MAGI1: variants seen among roughly 807,000 people sequenced by gnomAD.
MAGI1 encodes membrane associated guanylate kinase, WW and PDZ domain containing 1.
In MAGI1, 58 loss-of-function variants were observed where a neutral mutation model predicts 139.9. That is an observed-to-expected ratio of 0.41 (90% CI 0.34 to 0.52). The LOEUF is 0.52. Among genes scored for constraint, MAGI1 ranks in the 20% least tolerant of loss-of-function variants. MAGI1 has a pLI of 0.12. For synonymous variants in MAGI1, 812 were observed against 737.9 expected, an observed-to-expected ratio of 1.10 and a Z score of -1.63; for missense variants, 1,874 against 1,901.6, an observed-to-expected ratio of 0.99 and a Z score of 0.27.
chr3:65,908,280 C>T (rs1297763821), intron 1 of MAGI1, among the ~76,000 whole-genome samples: 2 of 152,024 alleles, frequency 1.3e-5, no homozygotes, highest in African/African-American at 4.8e-5. Flanking sequence ...TTCTCTCTGC[C>T]AATACTGTCC....
Position 65,391,331 on chromosome 3 carries a change from T to G in MAGI1, c.2227A>C (p.Asn743His). The G allele has an allele frequency of 3.7e-6, 6 of 1,614,218 alleles. No homozygotes were observed. The highest frequency in any genetic ancestry group is 5.1e-6 in the Non-Finnish European group (6 of 1,180,028). Residue 743 changes from asparagine (N) to histidine (H), a missense_variant, in exon 14 of 23, where the codon AAT (asparagine) becomes CAT (histidine). Physicochemically the swap from Asn to His is moderately conservative, Grantham distance 68. Coordinates refer to ENST00000402939, the MANE Select transcript of MAGI1 (RefSeq NM_001033057.2). ...SQPLERKDSQ[N>H]SSQHSVSSHR... Reference sequence around the variant, plus strand: ...CTGGAAACACTGTGCTGAGAACTATTCTGGCTGTCTTTCCTTTCCAGTGGT... The same window carrying G: ...CTGGAAACACTGTGCTGAGAACTATGCTGGCTGTCTTTCCTTTCCAGTGGT...
chr3:65,938,168 A>C lies in MAGI1; in HGVS notation c.313+99828T>G, dbSNP rs140711243. On this transcript the variant is annotated intron_variant, in intron 1 of 22. Transcript: ENST00000402939. ...CAAATAAAAATAGAGCTTCCATGAG[A>C]AATAAAGAATTAGGTCAGTGGATAG... is the stretch of plus-strand genomic sequence containing the variant. 6.0e-3 allele frequency among the ~76,000 whole-genome samples: 911 copies of C among 152,002 alleles called. 9 individuals carry two copies. The highest frequency in any genetic ancestry group is 0.018 in the South Asian group (89 of 4,828).
chr3:65,874,699 GGCAGTTACTAAAAACTTAAAGAGTTTC>G, intron 1 of MAGI1: 1 of 152,316 alleles, frequency 6.6e-6, no homozygotes, highest in South Asian at 2.1e-4. Flanking sequence ...GAAGCAGTCT[GGCAGTTACTAAAAACTTAAAGAGTTTC>G]CATTTGAACC....
At chr3:65,626,347 C>G (rs139742277) in intron 1 of MAGI1, among the ~76,000 whole-genome samples, 46 of 152,182 alleles carry the variant, frequency 3.0e-4, no homozygotes, top group African/African-American at 1.1e-3. Flanking sequence ...TTTTTGGAGA[C>G]AGAGTCTTAC....
At chr3:65,503,789 T>G (rs555401321) in intron 2 of MAGI1, among the ~76,000 whole-genome samples, 1 of 152,278 alleles carries the variant, frequency 6.6e-6, no homozygotes, top group Non-Finnish European at 1.5e-5. Context: ...TCTGATCTGG[T>G]TTTCATGATC....
chr3:65,999,578 T>G (rs916967804), intron 1 of MAGI1, among the ~76,000 whole-genome samples: 6 of 152,188 alleles, frequency 3.9e-5, no homozygotes, highest in Non-Finnish European at 8.8e-5. Context: ...TATTTTAACA[T>G]ATACTTTCAG....
intron 1 of MAGI1, among the ~76,000 whole-genome samples, chr3:65,878,744 C>T (rs971009905): frequency 1.3e-5 from 2 of 152,136 alleles, no homozygotes; most frequent in African/African-American, 2.4e-5. Flanking sequence ...TGCTTCAATG[C>T]TGTCTGCTGG....
At chr3:65,793,301 T>G (rs1430852222) in intron 1 of MAGI1, among the ~76,000 whole-genome samples, 1 of 151,996 alleles carries the variant, frequency 6.6e-6, no homozygotes, top group Non-Finnish European at 1.5e-5. Context: ...ATAAGATTAT[T>G]CAGGCCCTGG....
At chr3:65,827,423 T>G (rs142758785) in intron 1 of MAGI1, among the ~76,000 whole-genome samples, 1 of 152,364 alleles carries the variant, frequency 6.6e-6, no homozygotes, top group Non-Finnish European at 1.5e-5. Flanking sequence ...TTAAAGTCTC[T>G]TTATGTTCAT....
chr3:65,571,207 A>G (rs2080943048), intron 2 of MAGI1, among the ~76,000 whole-genome samples: 1 of 152,210 alleles, frequency 6.6e-6, no homozygotes, highest in East Asian at 1.9e-4. Flanking sequence ...TAAAAATTGC[A>G]GTGAATGAAA....
At chr3:65,772,828 T>A (rs569056920) in intron 1 of MAGI1, among the ~76,000 whole-genome samples, 39 of 152,220 alleles carry the variant, frequency 2.6e-4, no homozygotes, top group Non-Finnish European at 5.0e-4. Context: ...TGAGAATTTC[T>A]TGCATTTACA....
intron 5 of MAGI1, among the ~76,000 whole-genome samples, chr3:65,454,908 T>A (rs1949293035): frequency 6.6e-6 from 1 of 152,144 alleles, no homozygotes; most frequent in South Asian, 2.1e-4. Context: ...GCATTAAAAT[T>A]ATTGCTCCCC....
intron 1 of MAGI1, chr3:65,914,089 A>T (rs1000490506): frequency 6.6e-6 from 1 of 152,196 alleles, no homozygotes; most frequent in African/African-American, 2.4e-5. Context: ...TTTCTCCATT[A>T]GGTTTAGCTT....
chr3:65,451,598 G>A (rs1251834327), intron 6 of MAGI1, among the ~76,000 whole-genome samples: 1 of 152,160 alleles, frequency 6.6e-6, no homozygotes, highest in Non-Finnish European at 1.5e-5. Flanking sequence ...TTTCCTCTGA[G>A]CATCATGGTG....
chr3:66,028,068 G>A (rs2068388664), intron 1 of MAGI1, among the ~76,000 whole-genome samples: 1 of 152,198 alleles, frequency 6.6e-6, no homozygotes, highest in Admixed American at 6.5e-5. Context: ...ACTTTGGGAG[G>A]CCAAGGCAGG....
intron 1 of MAGI1, among the ~76,000 whole-genome samples, chr3:65,840,361 G>T (rs2058763696): frequency 6.6e-6 from 1 of 152,072 alleles, no homozygotes; most frequent in South Asian, 2.1e-4. Flanking sequence ...AAGGCATTCG[G>T]TCTTGCACCA....
rs1940522450 is a variant in MAGI1, at chr3:65,359,202, GAGAGAA to G, written c.3634+1991_3634+1996del. 1.9e-6 allele frequency: 3 copies of G among 1,602,024 alleles called. No homozygotes were observed. The African/African-American group carries it at 4.0e-5, about 21-fold the overall frequency. ...AAGAACAGTCAGAGAGAAGGAGAAAGAGAGAAAGAGAAAAAGTTGAACATTTAGATT... is the reference window on the plus strand; with the variant it reads ...AAGAACAGTCAGAGAGAAGGAGAAAGAGAGAAAAAGTTGAACATTTAGATT... On this transcript the variant is annotated intron_variant, in intron 22 of 22. Transcript: ENST00000402939.
At chr3:65,868,113 A>G (rs976208048) in intron 1 of MAGI1, among the ~76,000 whole-genome samples, 1 of 152,168 alleles carries the variant, frequency 6.6e-6, no homozygotes, top group African/African-American at 2.4e-5. Flanking sequence ...AAGACGCTCC[A>G]GTGCTTTCCT....
chr3:65,466,021 T>C (rs72896353), intron 5 of MAGI1, among the ~76,000 whole-genome samples: 1,668 of 152,288 alleles, frequency 0.011, 42 homozygotes, highest in African/African-American at 0.039. Context: ...GTTGAATCCA[T>C]CTACTAAGCT....
Sources: gnomAD v4.1 joint callset for allele counts (sites outside exome capture counted in the v4.1 genomes callset) on GRCh38, gnomAD v4.1.1 for gene constraint, MANE v1.5 for transcripts, NCBI Gene and HGNC (gene_info 2026-07-23, HGNC 2026-07-21) for gene names.